The following CCSER1 variants were observed in gnomAD, a reference collection of about 807,000 sequenced individuals.
The protein encoded by CCSER1 is coiled-coil serine rich protein 1.
Under a neutral mutation model 82.0 loss-of-function variants are expected in CCSER1, and 41 were observed. The observed-to-expected ratio is 0.50, with a 90% confidence interval of 0.39 to 0.65. CCSER1 has a LOEUF of 0.65. Ranked by LOEUF, CCSER1 falls within the 30% of genes least tolerant of loss-of-function variation. The pLI, the probability that CCSER1 is intolerant of heterozygous loss-of-function variation, is 0.00. For missense variants in CCSER1, 1,119 were observed against 1,064.2 expected, an observed-to-expected ratio of 1.05 and a Z score of -0.72; for synonymous variants, 414 against 383.9, an observed-to-expected ratio of 1.08 and a Z score of -0.92.
At chr4:91,580,796 CA>C (rs1352832181) in intron 10 of CCSER1, among the ~76,000 whole-genome samples, 3 of 151,720 alleles carry the variant, frequency 2.0e-5, no homozygotes, top group African/African-American at 7.2e-5. Flanking sequence ...ATTTGGCTTT[CA>C]TGTCCTTGCC....
chr4:90,831,474 C>T (rs960957075), intron 8 of CCSER1, among the ~76,000 whole-genome samples: 1 of 152,082 alleles, frequency 6.6e-6, no homozygotes, highest in Non-Finnish European at 1.5e-5. Context: ...TTTGTTTTAG[C>T]AAACATTGAT....
chr4:91,597,922 A>G (rs1358913898), intron 10 of CCSER1, among the ~76,000 whole-genome samples: 1 of 152,212 alleles, frequency 6.6e-6, no homozygotes, highest in African/African-American at 2.4e-5. Flanking sequence ...TGTTATTACT[A>G]GAGTATACAA....
chr4:90,908,785 AAGG>A (rs1475390935), intron 8 of CCSER1, among the ~76,000 whole-genome samples: 2 of 152,112 alleles, frequency 1.3e-5, no homozygotes, highest in African/African-American at 4.8e-5. Context: ...TGTGTTCAAG[AAGG>A]AGACTGATGT....
chr4:91,508,294 G>C (rs6532314), intron 10 of CCSER1, among the ~76,000 whole-genome samples: 76,885 of 148,734 alleles, frequency 0.52, 19,852 homozygotes, highest in East Asian at 0.57. Context: ...CTACCTTCTT[G>C]AGTACACCCA....
At chr4:90,664,628 C>T (rs977207961) in intron 6 of CCSER1, among the ~76,000 whole-genome samples, 6 of 152,120 alleles carry the variant, frequency 3.9e-5, no homozygotes, top group Admixed American at 6.6e-5. Flanking sequence ...TGGCCAGGCA[C>T]GGTAGCTCAC....
intron 8 of CCSER1, among the ~76,000 whole-genome samples, chr4:90,875,055 A>C (rs1767023399): frequency 1.3e-5 from 2 of 152,210 alleles, no homozygotes; most frequent in South Asian, 2.1e-4. Flanking sequence ...CAAAAAACAA[A>C]AACAACAACA....
rs551970960 is a variant in CCSER1, at chr4:90,861,985, G to A, written c.2094+46140G>A. ...CAGTGATATTGGTGGGATTGGAGTG[G>A]TAGGAGTGGTAGTGATGAAAGACTA... On this transcript the variant is annotated intron_variant, in intron 8 of 10. Coordinates refer to ENST00000509176, the MANE Select transcript of CCSER1 (RefSeq NM_001145065.2). Among the ~76,000 whole-genome samples the A allele has an allele frequency of 4.7e-5, 7 of 149,258 alleles. No homozygotes were observed. The South Asian group carries it at 1.5e-3, about 31-fold the overall frequency.
At chr4:91,097,883 C>T (rs992049705) in intron 10 of CCSER1, among the ~76,000 whole-genome samples, 16 of 152,176 alleles carry the variant, frequency 1.1e-4, no homozygotes, top group South Asian at 4.2e-4. Flanking sequence ...TATCTTATAA[C>T]CTGTTATCTG....
intron 10 of CCSER1, among the ~76,000 whole-genome samples, chr4:91,380,154 G>A (rs1463716944): frequency 6.6e-6 from 1 of 152,124 alleles, no homozygotes. Context: ...GCTGAGGAGT[G>A]CTTTACTTCC....
intron 8 of CCSER1, among the ~76,000 whole-genome samples, chr4:90,876,622 T>C (rs1354151105): frequency 6.6e-6 from 1 of 152,108 alleles, no homozygotes; most frequent in Admixed American, 6.6e-5. Context: ...TAGTTGTTCA[T>C]AAACCACAAA....
chr4:90,197,860 A>G (rs1184111274), intron 1 of CCSER1, among the ~76,000 whole-genome samples: 1 of 152,092 alleles, frequency 6.6e-6, no homozygotes, highest in Non-Finnish European at 1.5e-5. Context: ...AAGCCATACT[A>G]TTGACTATAG....
At chr4:91,290,037 G>C (rs1743627619) in intron 10 of CCSER1, among the ~76,000 whole-genome samples, 1 of 151,966 alleles carries the variant, frequency 6.6e-6, no homozygotes, top group Non-Finnish European at 1.5e-5. Context: ...TTCTCATCAG[G>C]TACTCTGTAA....
At chr4:90,288,691 A>G (rs1419411444) in intron 1 of CCSER1, among the ~76,000 whole-genome samples, 1 of 151,972 alleles carries the variant, frequency 6.6e-6, no homozygotes, top group Non-Finnish European at 1.5e-5. Context: ...ATAGGCATGG[A>G]TACCTTTTAG....
intron 10 of CCSER1, among the ~76,000 whole-genome samples, chr4:91,514,206 T>G (rs1759978600): frequency 6.6e-6 from 1 of 152,208 alleles, no homozygotes; most frequent in African/African-American, 2.4e-5. Flanking sequence ...CTTAATTTTA[T>G]TGTTAACCCA....
At chr4:90,822,322 A>G (rs78075665) in intron 8 of CCSER1, among the ~76,000 whole-genome samples, 8,810 of 152,210 alleles carry the variant, frequency 0.058, 585 homozygotes, top group African/African-American at 0.17. Flanking sequence ...ATATTTCTGA[A>G]CTTTTGGGGT....
chr4:91,174,284 A>G (rs1289936163), intron 10 of CCSER1, among the ~76,000 whole-genome samples: 2 of 152,006 alleles, frequency 1.3e-5, no homozygotes, highest in African/African-American at 4.8e-5. Flanking sequence ...ATTTTAAGAC[A>G]TTTATTTTGT....
intron 10 of CCSER1, among the ~76,000 whole-genome samples, chr4:91,440,191 C>G (rs920156482): frequency 1.4e-4 from 21 of 152,086 alleles, no homozygotes; most frequent in African/African-American, 4.8e-4. Flanking sequence ...CATGCCTATT[C>G]CAAAATAGAC....
chr4:90,572,184 A>G lies in CCSER1; in HGVS notation c.1725-55841A>G, dbSNP rs1780192101. Among the ~76,000 whole-genome samples, 3 of 152,238 alleles carry G rather than the reference A, an allele frequency of 2.0e-5. No individual in the cohort carries two copies. The East Asian group carries it at 5.8e-4, about 29-fold the overall frequency. ...TAGGCTTTGAATATGTCATCTCAGT[A>G]TCTCTTGGCTTGTAAGGTTTCAGCT... is the stretch of plus-strand genomic sequence containing the variant. On this transcript the variant is annotated intron_variant, in intron 5 of 10. Transcript: ENST00000509176.
intron 10 of CCSER1, among the ~76,000 whole-genome samples, chr4:91,375,358 C>A (rs1252756304): frequency 6.6e-6 from 1 of 152,160 alleles, no homozygotes; most frequent in Non-Finnish European, 1.5e-5. Flanking sequence ...TAGAACATTA[C>A]ATAAACTTAG....
Sources: allele counts gnomAD v4.1 joint callset (sites outside exome capture counted in the v4.1 genomes callset), GRCh38; gene constraint gnomAD v4.1.1; transcripts MANE v1.5; gene names NCBI Gene and HGNC (gene_info 2026-07-23, HGNC 2026-07-21).